Variants in LTA4H observed in about 807,000 individuals in gnomAD.
LTA4H encodes the protein leukotriene A4 hydrolase.
Under a neutral mutation model 89.8 loss-of-function variants are expected in LTA4H, and 59 were observed. The ratio of observed to expected loss-of-function variants is 0.66; its 90% confidence interval spans 0.53 to 0.82. LTA4H has a LOEUF of 0.82. Among genes scored for constraint, LTA4H ranks in the 40% least tolerant of loss-of-function variants. The pLI, the probability that LTA4H is intolerant of heterozygous loss-of-function variation, is 0.00. For synonymous variants in LTA4H, 227 were observed against 253.1 expected (o/e 0.90, Z 0.98); for missense variants, 617 against 727.0 (o/e 0.85, Z 1.74).
intron 13 of LTA4H, 89 bp from the exon 14 acceptor site, chr12:96,013,347 T>G: frequency 1.3e-6 from 1 of 764,866 alleles, no homozygotes; most frequent in Non-Finnish European, 2.3e-6. Context: ...GATATATAAT[T>G]TTGTCTAATC....
At chr12:96,015,254 T>G in intron 11 of LTA4H, 1 of 480,026 alleles carries the variant, frequency 2.1e-6, no homozygotes, top group Non-Finnish European at 3.6e-6. Context: ...GAAAAATGAT[T>G]TAATGCCTGG....
intron 16 of LTA4H, 162 bp from the exon 17 acceptor site, chr12:96,004,082 C>T (rs1950155446): frequency 5.0e-6 from 2 of 399,060 alleles, no homozygotes; most frequent in East Asian, 7.8e-5. Flanking sequence ...TAAGTAAATT[C>T]TGTGCAAACT....
At chr12:96,029,984 A>C (rs537438000) in intron 1 of LTA4H, among the ~76,000 whole-genome samples, 1 of 152,172 alleles carries the variant, frequency 6.6e-6, no homozygotes, top group African/African-American at 2.4e-5. Flanking sequence ...TTTGACTGCT[A>C]TGACTACTAC....
chr12:96,042,753 T>C (rs546136852), intron 1 of LTA4H, among the ~76,000 whole-genome samples: 1 of 152,250 alleles, frequency 6.6e-6, no homozygotes, highest in South Asian at 2.1e-4. Context: ...AGGTCCCTAT[T>C]CCTGTAACCG....
intron 1 of LTA4H, among the ~76,000 whole-genome samples, chr12:96,033,150 T>G (rs896193210): frequency 1.6e-4 from 25 of 152,244 alleles, no homozygotes; most frequent in African/African-American, 5.5e-4. Context: ...CAAAGGTAAG[T>G]GTGAGGTCAC....
At chr12:96,008,700 G>A (rs1238152987) in intron 15 of LTA4H, among the ~76,000 whole-genome samples, 1 of 152,100 alleles carries the variant, frequency 6.6e-6, no homozygotes, top group Non-Finnish European at 1.5e-5. Context: ...AAGGTGGGAG[G>A]ATCACTGGAG....
At chr12:96,025,868 T>C (rs1379806915) in intron 3 of LTA4H, among the ~76,000 whole-genome samples, 1 of 150,912 alleles carries the variant, frequency 6.6e-6, no homozygotes, top group Non-Finnish European at 1.5e-5. Context: ...TTATACCCGG[T>C]CTGTTTACAA....
At chr12:96,008,263 C>T (rs1350708685) in intron 15 of LTA4H, among the ~76,000 whole-genome samples, 2 of 152,144 alleles carry the variant, frequency 1.3e-5, no homozygotes, top group African/African-American at 4.8e-5. Context: ...CCTAAATCTT[C>T]TGTTATTTTT....
intron 1 of LTA4H, chr12:96,043,201 G>A: frequency 2.2e-6 from 2 of 927,722 alleles, no homozygotes; most frequent in South Asian, 1.4e-5. Flanking sequence ...AGAACATGTC[G>A]GGTAGACCCG....
At chr12:96,001,615 A>C (rs1243523837) in intron 18 of LTA4H, among the ~76,000 whole-genome samples, 8 of 152,192 alleles carry the variant, frequency 5.3e-5, no homozygotes, top group Non-Finnish European at 1.0e-4. Flanking sequence ...GAGTATGAAA[A>C]CACTAAAATT....
upstream of LTA4H, among the ~76,000 whole-genome samples, chr12:96,039,409 A>G (rs1950671701): frequency 6.6e-6 from 1 of 152,194 alleles, no homozygotes. Context: ...TAATCCCTCA[A>G]TCCCCTCAGG....
At chr12:96,020,477 G>A (rs187577965) in intron 6 of LTA4H, among the ~76,000 whole-genome samples, 89 of 152,290 alleles carry the variant, frequency 5.8e-4, no homozygotes, top group African/African-American at 2.0e-3. Context: ...AGGACTGGGC[G>A]GTGGGGGAAA....
At chr12:96,007,902 G>A (rs530027748) in intron 15 of LTA4H, among the ~76,000 whole-genome samples, 27 of 152,228 alleles carry the variant, frequency 1.8e-4, no homozygotes, top group African/African-American at 6.5e-4. Flanking sequence ...GGTTTTAAAA[G>A]GCAATAGCTG....
upstream of LTA4H, among the ~76,000 whole-genome samples, chr12:96,036,475 C>T (rs1189847652): frequency 6.6e-6 from 1 of 152,042 alleles, no homozygotes; most frequent in African/African-American, 2.4e-5. Flanking sequence ...TTTCAGCAGG[C>T]GACTGATAAA....
intron 14 of LTA4H, chr12:96,011,558 AAT>A (rs1354211263): frequency 2.0e-5 from 3 of 152,190 alleles, no homozygotes; most frequent in African/African-American, 7.2e-5. Context: ...CATTAAAATT[AAT>A]AGTTTCCTCA....
Position 96,035,397 on chromosome 12 carries a change from GAGAGCAGCAGTCC to G in LTA4H, c.110_122del (p.Gly37AlafsTer22), listed in dbSNP as rs1213348824. On this transcript the variant is annotated frameshift_variant, in exon 1 of 19. Transcript: ENST00000228740. LOFTEE classifies it high-confidence loss of function. Reference sequence around the variant, plus strand: ...GATTGTCCTCCTGAGACTGGACCGTGAGAGCAGCAGTCCCGGTCAGCGTCCGGCGAGTAAAGTC... The same window carrying G: ...GATTGTCCTCCTGAGACTGGACCGTGCGGTCAGCGTCCGGCGAGTAAAGTC... 1.4e-5 allele frequency: 23 copies of G among 1,611,610 alleles called. No individual in the cohort carries two copies. Among genetic ancestry groups the G allele is most frequent in the Non-Finnish European group, 2.0e-5 (23 of 1,179,078 alleles).
intron 1 of LTA4H, 59 bp from the exon 2 acceptor site, chr12:96,029,244 A>C: frequency 1.0e-6 from 1 of 976,360 alleles, no homozygotes. Context: ...AAAAACTCAT[A>C]TTAGATATAG....
chr12:96,029,085 A>G lies in LTA4H; in HGVS notation c.260T>C (p.Met87Thr). The change falls in exon 2 of 19, where the codon ATG becomes ACG. Residue 87 changes from methionine to threonine, a missense_variant. Around this residue, in one of 3 missense-constraint regions of LTA4H, gnomAD observed 155 missense variants for 143.3 expected, o/e 1.08. Coordinates refer to ENST00000228740, the MANE Select transcript of LTA4H (RefSeq NM_000895.3). ...CAAAGCGATAGGAAGAGAGATTTCC[A>G]TTGGCGATCCCTTGTAACTTTGTCT... Reference protein sequence around the residue: ...GERQSYKGSPMEISLPIALSK... With the variant: ...GERQSYKGSPTEISLPIALSK... 3 of 1,589,300 alleles carry G rather than the reference A, an allele frequency of 1.9e-6. No homozygotes were observed. The highest frequency in any genetic ancestry group is 2.6e-6 in the Non-Finnish European group (3 of 1,168,388).
rs1425657993 is a variant in LTA4H at position 96,021,070 on chromosome 12, T to C, written c.638+15A>G. 1 of 1,599,614 alleles carries C rather than the reference T, an allele frequency of 6.3e-7. No homozygotes were observed. Among genetic ancestry groups the C allele is most frequent in the Non-Finnish European group, 8.5e-7 (1 of 1,175,544 alleles). On this transcript the variant is annotated intron_variant, in intron 6 of 18. Coordinates refer to ENST00000228740, the MANE Select transcript of LTA4H (RefSeq NM_000895.3). ...TGATCTTTCCACAAACCTGAAAATT[T>C]TTCCAAAAGCTCACCTGCTTTCTAA...
Sources: gnomAD v4.1 joint callset for allele counts (sites outside exome capture counted in the v4.1 genomes callset) on GRCh38, gnomAD v4.1.1 for gene constraint, gnomAD v4.1.1 regional missense constraint, MANE v1.5 for transcripts, NCBI Gene and HGNC (gene_info 2026-07-23, HGNC 2026-07-21) for gene names.